The following GALNT13 variants were observed in gnomAD, a reference collection of about 807,000 sequenced individuals.
GALNT13 encodes polypeptide N-acetylgalactosaminyltransferase 13.
In GALNT13, 28 loss-of-function variants were observed where a neutral mutation model predicts 64.2. The observed-to-expected ratio is 0.44, with a 90% CI of 0.32 to 0.60. The LOEUF is 0.60. GALNT13 is among the 20% of genes least tolerant of loss of function. The pLI is 0.05. For missense variants in GALNT13, 577 were observed against 669.8 expected, an observed-to-expected ratio of 0.86 and a Z score of 1.53; for synonymous variants, 214 against 224.6, an observed-to-expected ratio of 0.95 and a Z score of 0.42.
At chr2:153,940,260 CTTTT>C (rs35641791) in intron 2 of GALNT13, among the ~76,000 whole-genome samples, 4 of 129,236 alleles carry the variant, frequency 3.1e-5, no homozygotes, top group Admixed American at 7.7e-5. Context: ...AAGTTTTTGT[CTTTT>C]TTTTTTTTTT....
At chr2:153,855,036 A>G in the GALNT13 span, among the ~76,000 whole-genome samples, 8 of 152,210 alleles carry the variant, frequency 5.3e-5, no homozygotes, top group Non-Finnish European at 7.3e-5. Flanking sequence ...AATGATAAAG[A>G]TTTCACAAAC....
chr2:153,257,429 G>A, the GALNT13 span, among the ~76,000 whole-genome samples: 10 of 152,176 alleles, frequency 6.6e-5, no homozygotes, highest in African/African-American at 2.4e-4. Flanking sequence ...GGCTCACACT[G>A]GGAGCTGTAG....
At chr2:154,313,385 A>G (rs1226783180) in intron 9 of GALNT13, among the ~76,000 whole-genome samples, 1 of 145,706 alleles carries the variant, frequency 6.9e-6, no homozygotes, top group Non-Finnish European at 1.5e-5. Flanking sequence ...TATATACACT[A>G]TATTTATATA....
At chr2:154,184,812 C>CTTT (rs1405341946) in intron 4 of GALNT13, among the ~76,000 whole-genome samples, 6 of 152,000 alleles carry the variant, frequency 3.9e-5, no homozygotes, top group African/African-American at 4.8e-5. Flanking sequence ...TATAATATAT[C>CTTT]ATTTAAAAAG....
chr2:153,439,119 T>G, the GALNT13 span, among the ~76,000 whole-genome samples: 1 of 152,142 alleles, frequency 6.6e-6, no homozygotes, highest in African/African-American at 2.4e-5. Context: ...TCAGCAGCAG[T>G]GGCTCCAGAA....
the GALNT13 span, among the ~76,000 whole-genome samples, chr2:153,163,441 A>C: frequency 2.0e-5 from 3 of 152,162 alleles, no homozygotes; most frequent in Non-Finnish European, 4.4e-5. Context: ...CAATTTGTCT[A>C]ATCATATTTT....
intron 9 of GALNT13, among the ~76,000 whole-genome samples, chr2:154,367,519 C>T (rs1295951935): frequency 6.6e-6 from 1 of 151,958 alleles, no homozygotes; most frequent in Non-Finnish European, 1.5e-5. Context: ...ATTCTGAAGC[C>T]CAAGAAGCAT....
At chr2:153,290,200 A>G in the GALNT13 span, among the ~76,000 whole-genome samples, 1 of 152,134 alleles carries the variant, frequency 6.6e-6, no homozygotes, top group Non-Finnish European at 1.5e-5. Flanking sequence ...GCTATTTATT[A>G]TCATTATTAT....
chr2:154,059,831 T>C (rs1700081223), intron 3 of GALNT13, among the ~76,000 whole-genome samples: 1 of 152,030 alleles, frequency 6.6e-6, no homozygotes, highest in African/African-American at 2.4e-5. Context: ...AAAGAGTGAC[T>C]AAGGAAGGTT....
At chr2:154,117,798 G>T (rs1021259218) in intron 3 of GALNT13, among the ~76,000 whole-genome samples, 13 of 152,146 alleles carry the variant, frequency 8.5e-5, no homozygotes, top group African/African-American at 2.9e-4. Flanking sequence ...GTAAGAGAAA[G>T]AAACTGGATC....
At chr2:153,490,604 C>T in the GALNT13 span, among the ~76,000 whole-genome samples, 1 of 151,984 alleles carries the variant, frequency 6.6e-6, no homozygotes, top group Admixed American at 6.6e-5. Context: ...ACAAATGTTG[C>T]CTCAACCTCA....
chr2:154,351,598 G>T (rs1696407042), intron 9 of GALNT13, among the ~76,000 whole-genome samples: 1 of 146,436 alleles, frequency 6.8e-6, no homozygotes, highest in Admixed American at 7.1e-5. Flanking sequence ...CAGGAGAATG[G>T]CGTGAACCCT....
chr2:153,269,176 C>CT, the GALNT13 span, among the ~76,000 whole-genome samples: 19,855 of 152,122 alleles, frequency 0.13, 1,639 homozygotes, highest in Non-Finnish European at 0.18. Flanking sequence ...TTATGTTCTA[C>CT]TTTTTTAAAA....
At chr2:153,251,976 G>A in the GALNT13 span, among the ~76,000 whole-genome samples, 5 of 151,650 alleles carry the variant, frequency 3.3e-5, no homozygotes, top group African/African-American at 1.2e-4. Flanking sequence ...AGTCCTTTGG[G>A]TATATACCCA....
the GALNT13 span, among the ~76,000 whole-genome samples, chr2:153,267,267 G>A: frequency 6.6e-6 from 1 of 152,080 alleles, no homozygotes. Context: ...GCTTTTCCAG[G>A]GGACTCTGGA....
At chr2:154,140,529 T>A (rs776278263) in intron 4 of GALNT13, 24 bp downstream of exon 4, 1 of 1,470,010 alleles carries the variant, frequency 6.8e-7, no homozygotes, top group Non-Finnish European at 9.4e-7. Flanking sequence ...TGTTATATAA[T>A]CTTTTATATT....
At chr2:153,217,668 GTTAA>G in the GALNT13 span, among the ~76,000 whole-genome samples, 54,238 of 151,090 alleles carry the variant, frequency 0.36, 9,994 homozygotes, top group African/African-American at 0.39. Context: ...TAGCATTTCC[GTTAA>G]TTATTTCTTA....
At chr2:154,405,552 G>C (rs1032067377) in intron 10 of GALNT13, among the ~76,000 whole-genome samples, 1 of 147,128 alleles carries the variant, frequency 6.8e-6, no homozygotes, top group Non-Finnish European at 1.5e-5. Context: ...TTCGAGACCA[G>C]CCTGACCAAT....
At chr2:153,802,610 T>C in the GALNT13 span, among the ~76,000 whole-genome samples, 10 of 152,360 alleles carry the variant, frequency 6.6e-5, no homozygotes, top group South Asian at 2.1e-4. Context: ...CATCAGTGGA[T>C]ATGGATGCCA....
Sources: allele counts gnomAD v4.1 joint callset (sites outside exome capture counted in the v4.1 genomes callset), GRCh38; gene constraint gnomAD v4.1.1; transcripts MANE v1.5; gene names NCBI Gene and HGNC (gene_info 2026-07-23, HGNC 2026-07-21).